CNTN5: variants seen among roughly 807,000 people sequenced by gnomAD.
CNTN5 encodes the protein contactin-5.
In CNTN5, 77 loss-of-function variants were observed where a neutral mutation model predicts 129.1. The ratio of observed to expected loss-of-function variants is 0.60; its 90% CI spans 0.50 to 0.72. The LOEUF (loss-of-function observed/expected upper bound fraction) is 0.72. CNTN5 is among the 30% of genes least tolerant of loss of function. The pLI is 0.00. For missense variants in CNTN5, 1,478 were observed against 1,328.8 expected (o/e 1.11, Z -1.75); for synonymous variants, 509 against 465.6 (o/e 1.09, Z -1.20).
At chr11:100,350,649 T>C (rs922287081) in intron 23 of CNTN5, 53 bp from the exon 24 acceptor site, 9 of 1,359,098 alleles carry the variant, frequency 6.6e-6, no homozygotes. Flanking sequence ...AGGCAGTCAA[T>C]GTGCATTTGT....
At chr11:100,106,605 G>A (rs1048114366) in intron 13 of CNTN5, among the ~76,000 whole-genome samples, 3 of 152,044 alleles carry the variant, frequency 2.0e-5, no homozygotes, top group Non-Finnish European at 2.9e-5. Flanking sequence ...ATTGTACATT[G>A]TATGATTGTA....
intron 1 of CNTN5, among the ~76,000 whole-genome samples, chr11:99,174,796 T>G (rs745461761): frequency 1.3e-4 from 20 of 151,912 alleles, no homozygotes; most frequent in Non-Finnish European, 2.4e-4. Context: ...ATATTTTTCA[T>G]TAATTAACTT....
At chr11:99,551,480 A>G (rs1023938729) in intron 2 of CNTN5, among the ~76,000 whole-genome samples, 3 of 152,190 alleles carry the variant, frequency 2.0e-5, no homozygotes, top group African/African-American at 7.2e-5. Context: ...GAGATGTCCT[A>G]GAGATTGTGT....
intron 8 of CNTN5, among the ~76,000 whole-genome samples, chr11:99,977,427 A>G (rs915968259): frequency 4.6e-5 from 7 of 152,160 alleles, no homozygotes; most frequent in African/African-American, 1.7e-4. Context: ...CAATTTTTAT[A>G]TTAGTTCATT....
intron 1 of CNTN5, among the ~76,000 whole-genome samples, chr11:99,146,722 A>G (rs1014458811): frequency 6.6e-6 from 1 of 152,066 alleles, no homozygotes; most frequent in Non-Finnish European, 1.5e-5. Flanking sequence ...GAGAAAGAAT[A>G]CACTTTTTAT....
At chr11:99,691,565 G>A (rs1043457351) in intron 3 of CNTN5, among the ~76,000 whole-genome samples, 37 of 152,056 alleles carry the variant, frequency 2.4e-4, no homozygotes, top group African/African-American at 8.9e-4. Context: ...AATTTTGAGT[G>A]AATTTCTTAA....
chr11:99,595,679 T>A (rs1565332862), intron 3 of CNTN5, among the ~76,000 whole-genome samples: 1 of 152,032 alleles, frequency 6.6e-6, no homozygotes, highest in Non-Finnish European at 1.5e-5. Flanking sequence ...AAAGAAAAAC[T>A]AACAATACAG....
chr11:100,172,228 T>A (rs914977365), intron 13 of CNTN5, among the ~76,000 whole-genome samples: 3 of 151,844 alleles, frequency 2.0e-5, no homozygotes, highest in African/African-American at 7.3e-5. Flanking sequence ...CACCCAACTG[T>A]AGTTAGATAG....
intron 7 of CNTN5, among the ~76,000 whole-genome samples, chr11:99,924,215 G>T (rs150675640): frequency 2.0e-5 from 3 of 152,088 alleles, no homozygotes; most frequent in African/African-American, 7.2e-5. Context: ...ATGGTTGCTG[G>T]CTGCTTGTAT....
chr11:99,154,054 A>G (rs1591284375), intron 1 of CNTN5, among the ~76,000 whole-genome samples: 2 of 152,118 alleles, frequency 1.3e-5, no homozygotes, highest in South Asian at 4.1e-4. Context: ...TCTGCTGACG[A>G]AAACACTCCG....
chr11:99,102,170 C>T (rs7116784), intron 1 of CNTN5, among the ~76,000 whole-genome samples: 71,788 of 151,774 alleles, frequency 0.47, 17,157 homozygotes, highest in East Asian at 0.59. Flanking sequence ...GGACACAAGG[C>T]ACCAAGTACC....
chr11:99,626,191 T>A (rs1951126416), intron 3 of CNTN5, among the ~76,000 whole-genome samples: 2 of 152,008 alleles, frequency 1.3e-5, no homozygotes, highest in African/African-American at 4.8e-5. Flanking sequence ...AGCCCGGCTC[T>A]ATGGATGGGG....
intron 1 of CNTN5, among the ~76,000 whole-genome samples, chr11:99,133,995 A>G (rs1264718179): frequency 6.6e-6 from 1 of 152,174 alleles, no homozygotes; most frequent in Non-Finnish European, 1.5e-5. Context: ...TAGCAAAGAC[A>G]TGGAATCAAA....
At chr11:99,667,524 A>G (rs1952841704) in intron 3 of CNTN5, among the ~76,000 whole-genome samples, 1 of 152,206 alleles carries the variant, frequency 6.6e-6, no homozygotes, top group Admixed American at 6.5e-5. Flanking sequence ...GTAAAGAAGC[A>G]TGGTGTTTGA....
At chr11:100,230,589 T>G (rs1949467544) in intron 16 of CNTN5, among the ~76,000 whole-genome samples, 1 of 152,196 alleles carries the variant, frequency 6.6e-6, no homozygotes, top group East Asian at 1.9e-4. Flanking sequence ...GCAGTTTGCA[T>G]GCATGTACAT....
rs557507542 is a variant in CNTN5, at chr11:99,715,125, A to G, written c.56-104419A>G. Among the ~76,000 whole-genome samples the G allele has an allele frequency of 2.0e-5, 3 of 152,160 alleles. No homozygotes were observed. The East Asian group carries it at 5.8e-4, about 30-fold the overall frequency. ...AATAAATGTTCAATAAATATTTGCT[A>G]GCTGATTTGTATAGGAAATTTTATT... On this transcript the variant is annotated intron_variant, in intron 3 of 24. Transcript: ENST00000524871.
At chr11:100,008,742 A>G (rs1591045786) in intron 9 of CNTN5, among the ~76,000 whole-genome samples, 1 of 152,128 alleles carries the variant, frequency 6.6e-6, no homozygotes. Context: ...AGTTTAAACT[A>G]AGACTTAACA....
chr11:100,290,153 A>G (rs1225315845), intron 18 of CNTN5, among the ~76,000 whole-genome samples: 1 of 151,804 alleles, frequency 6.6e-6, no homozygotes, highest in Non-Finnish European at 1.5e-5. Flanking sequence ...GGTAGGAAGA[A>G]TCTTTATCGT....
At chr11:100,010,616 T>G (rs941076243) in intron 9 of CNTN5, among the ~76,000 whole-genome samples, 1 of 144,572 alleles carries the variant, frequency 6.9e-6, no homozygotes. Flanking sequence ...CTCCTGGCAG[T>G]GTAGAAATGT....
Sources: gnomAD v4.1 joint callset for allele counts (sites outside exome capture counted in the v4.1 genomes callset) on GRCh38, gnomAD v4.1.1 for gene constraint, MANE v1.5 for transcripts, NCBI Gene and HGNC (gene_info 2026-07-23, HGNC 2026-07-21) for gene names.